The following GSK3B variants were observed in gnomAD, a reference collection of about 807,000 sequenced individuals.
GSK3B encodes the protein glycogen synthase kinase 3 beta.
In GSK3B, 15 loss-of-function variants were observed where a neutral mutation model predicts 56.4. That is an observed-to-expected ratio of 0.27 (90% CI 0.18 to 0.41). GSK3B has a LOEUF of 0.41. Ranked by LOEUF, GSK3B falls within the 10% of genes least tolerant of loss-of-function variation. The pLI, the probability that GSK3B is intolerant of heterozygous loss-of-function variation, is 1.00. For missense variants in GSK3B, 300 were observed against 513.4 expected (o/e 0.58, Z 4.02); for synonymous variants, 181 against 188.9 (o/e 0.96, Z 0.34).
intron 1 of GSK3B, among the ~76,000 whole-genome samples, chr3:120,053,578 G>C (rs1284596939): frequency 6.6e-6 from 1 of 152,156 alleles, no homozygotes; most frequent in Non-Finnish European, 1.5e-5. Context: ...ACAAGGAAAA[G>C]ATAAAACTGG....
At chr3:119,848,792 T>C (rs1559806801) in intron 9 of GSK3B, among the ~76,000 whole-genome samples, 1 of 152,190 alleles carries the variant, frequency 6.6e-6, no homozygotes, top group African/African-American at 2.4e-5. Flanking sequence ...TAAGATTTAT[T>C]AAAAATGAAT....
rs745649990 is a variant in GSK3B at position 119,947,283 on chromosome 3, G to A, written c.351C>T (p.Tyr117=). 1 of 1,577,496 alleles carries A rather than the reference G, an allele frequency of 6.3e-7. No homozygotes were observed. Among genetic ancestry groups the A allele is most frequent in the Non-Finnish European group, 8.7e-7 (1 of 1,146,892 alleles). The part of the protein sequence containing the change: ...CNIVRLRYFF[Y]SSGEKKDEVY... ...TCAAACCTACCTTCTCACCACTGGA[G>A]TAGAAGAAATAACGCAATCGGACTA... Residue 117 remains tyrosine, a synonymous_variant, in exon 3 of 11, where the codon TAC becomes TAT. Coordinates refer to ENST00000264235, the MANE Select transcript of GSK3B (RefSeq NM_001146156.2).
chr3:120,023,572 C>T (rs963589846), intron 1 of GSK3B, among the ~76,000 whole-genome samples: 2 of 152,224 alleles, frequency 1.3e-5, no homozygotes, highest in African/African-American at 2.4e-5. Flanking sequence ...TGACCTATTA[C>T]TCTTAAGGTG....
intron 1 of GSK3B, among the ~76,000 whole-genome samples, chr3:120,016,496 A>C (rs769239788): frequency 1.3e-5 from 2 of 152,124 alleles, no homozygotes; most frequent in East Asian, 1.9e-4. Context: ...TTTACTGAAA[A>C]ACTCGTGTCC....
intron 1 of GSK3B, among the ~76,000 whole-genome samples, chr3:120,092,770 A>G (rs1396615960): frequency 1.3e-5 from 2 of 152,226 alleles, no homozygotes; most frequent in African/African-American, 4.8e-5. Context: ...AATCAATGGC[A>G]GCCTCCAAAT....
intron 1 of GSK3B, among the ~76,000 whole-genome samples, chr3:120,034,513 C>T (rs979282696): frequency 2.0e-5 from 3 of 152,086 alleles, no homozygotes. Flanking sequence ...TCTTGGTATC[C>T]TTGTCAAAAC....
At chr3:119,899,189 C>T (rs144215870) in intron 7 of GSK3B, among the ~76,000 whole-genome samples, 238 of 152,158 alleles carry the variant, frequency 1.6e-3, no homozygotes, top group Middle Eastern at 3.4e-3. Flanking sequence ...GGAGGATTCA[C>T]GTCCCAGGAG....
intron 3 of GSK3B, among the ~76,000 whole-genome samples, chr3:119,936,474 G>A (rs2056996249): frequency 6.6e-6 from 1 of 151,056 alleles, no homozygotes; most frequent in Admixed American, 6.6e-5. Flanking sequence ...GGCCTCCTGA[G>A]TAGCTGGGAT....
intron 1 of GSK3B, among the ~76,000 whole-genome samples, chr3:120,007,433 CA>C (rs1381099581): frequency 1.3e-5 from 2 of 152,014 alleles, no homozygotes; most frequent in East Asian, 3.9e-4. Context: ...ATCCTGATAC[CA>C]AATGATATCT....
intron 1 of GSK3B, among the ~76,000 whole-genome samples, chr3:120,030,957 C>T (rs1241392071): frequency 6.6e-6 from 1 of 152,202 alleles, no homozygotes; most frequent in Non-Finnish European, 1.5e-5. Context: ...GTATTCAATA[C>T]ACTATAAAAA....
intron 1 of GSK3B, among the ~76,000 whole-genome samples, chr3:120,036,838 T>C (rs1380690150): frequency 2.7e-5 from 4 of 150,656 alleles, no homozygotes; most frequent in African/African-American, 9.8e-5. Flanking sequence ...TCTAGCAGTT[T>C]TAGGAAAAAA....
chr3:120,038,022 A>G (rs935274049), intron 1 of GSK3B, among the ~76,000 whole-genome samples: 36 of 152,232 alleles, frequency 2.4e-4, no homozygotes, highest in African/African-American at 8.4e-4. Flanking sequence ...TAAACAATTT[A>G]TATTAAATAT....
intron 3 of GSK3B, among the ~76,000 whole-genome samples, chr3:119,927,636 A>T (rs1192347251): frequency 1.3e-5 from 2 of 152,202 alleles, no homozygotes; most frequent in African/African-American, 4.8e-5. Context: ...TTGAGTAGTT[A>T]TATTACATAG....
At chr3:120,053,867 CCAT>C (rs961482422) in intron 1 of GSK3B, among the ~76,000 whole-genome samples, 19 of 152,198 alleles carry the variant, frequency 1.2e-4, no homozygotes, top group African/African-American at 4.6e-4. Flanking sequence ...TTGCTATCCA[CCAT>C]GATTGCGAGG....
intron 3 of GSK3B, among the ~76,000 whole-genome samples, chr3:119,929,782 A>G (rs930608524): frequency 1.3e-5 from 2 of 151,846 alleles, no homozygotes; most frequent in African/African-American, 4.8e-5. Flanking sequence ...CATGCCTGTA[A>G]TCCCAGCTAC....
intron 1 of GSK3B, among the ~76,000 whole-genome samples, chr3:120,076,608 G>T (rs952920317): frequency 2.0e-5 from 3 of 151,946 alleles, no homozygotes; most frequent in African/African-American, 7.3e-5. Context: ...GAGGTCAGGA[G>T]ATCGAGACCA....
chr3:119,852,286 T>C (rs2055940822), intron 9 of GSK3B, among the ~76,000 whole-genome samples: 1 of 152,200 alleles, frequency 6.6e-6, no homozygotes, highest in Admixed American at 6.5e-5. Context: ...TTAGAAGTTA[T>C]CTAGCAAAGT....
chr3:119,983,531 G>GA lies in GSK3B; in HGVS notation c.282+18514dup, dbSNP rs60451245. Among the ~76,000 whole-genome samples the GA allele has an allele frequency of 8.7e-3, 1,097 of 126,668 alleles. 11 individuals carry two copies. The highest frequency in any genetic ancestry group is 0.023 in the African/African-American group (803 of 34,982). The allele number at this position is 126,668 out of a possible 152,430, so 83.1% of individuals were successfully genotyped here. On this transcript the variant is annotated intron_variant, in intron 2 of 10. Transcript: ENST00000264235. ...GGAAGATTTACCAAGCAAATGGAGAGAAAAAAAAAAAAGCAGGGGTTGCAA... is the reference window on the plus strand; with the variant it reads ...GGAAGATTTACCAAGCAAATGGAGAGAAAAAAAAAAAAAGCAGGGGTTGCAA...
At chr3:119,878,869 C>G (rs904623311) in intron 7 of GSK3B, among the ~76,000 whole-genome samples, 1 of 152,044 alleles carries the variant, frequency 6.6e-6, no homozygotes, top group Admixed American at 6.6e-5. Flanking sequence ...ATATGGAATT[C>G]TAGTAAATTT....
Sources: allele counts gnomAD v4.1 joint callset (sites outside exome capture counted in the v4.1 genomes callset), GRCh38; gene constraint gnomAD v4.1.1; transcripts MANE v1.5; gene names NCBI Gene and HGNC (gene_info 2026-07-23, HGNC 2026-07-21).